Variants in ZNF33B observed in about 807,000 individuals in gnomAD.
The protein encoded by ZNF33B is zinc finger protein 11b (KOX 2).
Under a neutral mutation model 45.8 loss-of-function variants are expected in ZNF33B, and 29 were observed. That is an observed-to-expected ratio of 0.63 (90% CI 0.47 to 0.86). ZNF33B has a LOEUF of 0.86. Ranked by LOEUF, ZNF33B falls within the 40% of genes least tolerant of loss-of-function variation. The pLI is 0.00. For synonymous variants in ZNF33B, 305 were observed against 307.8 expected, an observed-to-expected ratio of 0.99 and a Z score of 0.10; for missense variants, 831 against 909.9, an observed-to-expected ratio of 0.91 and a Z score of 1.12.
intron 4 of ZNF33B, among the ~76,000 whole-genome samples, chr10:42,610,086 A>G (rs2132091112): frequency 6.6e-6 from 1 of 152,370 alleles, no homozygotes; most frequent in South Asian, 2.1e-4. Context: ...TCAGATTGAA[A>G]AAAAAAAGTG....
At chr10:42,603,681 G>C (rs1465030339) in intron 4 of ZNF33B, among the ~76,000 whole-genome samples, 1 of 152,170 alleles carries the variant, frequency 6.6e-6, no homozygotes, top group African/African-American at 2.4e-5. Context: ...ATATGGTCCA[G>C]GACAGTGTTG....
chr10:42,580,399 G>A (rs1836806789), intron 1 of ZNF33B, among the ~76,000 whole-genome samples: 1 of 151,908 alleles, frequency 6.6e-6, no homozygotes, highest in South Asian at 2.1e-4. Flanking sequence ...TGCCACATCT[G>A]GCTAATTTTT....
chr10:42,613,381 C>T (rs1313741710), intron 4 of ZNF33B, among the ~76,000 whole-genome samples: 1 of 151,920 alleles, frequency 6.6e-6, no homozygotes. Context: ...AATCCCATCT[C>T]TACTAAAAAC....
rs545711999 is a variant in ZNF33B at position 42,624,945 on chromosome 10, T to C, written c.250+6984A>G. 5.9e-5 allele frequency among the ~76,000 whole-genome samples: 9 copies of C among 152,246 alleles called. 1 individual carries two copies. The South Asian group carries it at 6.2e-4, about 11-fold the overall frequency. The stretch of plus-strand genomic sequence containing the variant: ...AAAACCACAGAAAAGGGGAGACTAA[T>C]GTAATAAGCCTTAACACTGGATACA... On this transcript the variant is annotated intron_variant, in intron 4 of 4. Coordinates refer to ENST00000359467, the MANE Select transcript of ZNF33B (RefSeq NM_006955.3).
At chr10:42,627,224 A>G (rs1187973630) in intron 4 of ZNF33B, among the ~76,000 whole-genome samples, 1 of 152,178 alleles carries the variant, frequency 6.6e-6, no homozygotes, top group Non-Finnish European at 1.5e-5. Flanking sequence ...GGGTGGTTGC[A>G]AACTCTTGAC....
intron 1 of ZNF33B, among the ~76,000 whole-genome samples, chr10:42,580,898 T>C (rs1836813244): frequency 2.6e-5 from 4 of 151,016 alleles, no homozygotes; most frequent in Non-Finnish European, 5.9e-5. Flanking sequence ...TCTCAATAAA[T>C]AAATAAATAA....
intron 4 of ZNF33B, among the ~76,000 whole-genome samples, chr10:42,629,142 G>A (rs1838938447): frequency 6.6e-6 from 1 of 152,162 alleles, no homozygotes; most frequent in Non-Finnish European, 1.5e-5. Context: ...AAGAATGAGA[G>A]ATCCTGTCAT....
chr10:42,602,451 C>G (rs1415018061), intron 4 of ZNF33B, among the ~76,000 whole-genome samples: 4 of 151,998 alleles, frequency 2.6e-5, no homozygotes, highest in African/African-American at 9.7e-5. Context: ...CCTGGTTAGT[C>G]TCTTTGAGAA....
At chr10:42,599,853 C>T (rs1039037705) in intron 4 of ZNF33B, among the ~76,000 whole-genome samples, 4 of 152,044 alleles carry the variant, frequency 2.6e-5, no homozygotes, top group African/African-American at 9.7e-5. Flanking sequence ...CTATGAATTT[C>T]CTATATGTAA....
In ZNF33B at chr10:42,593,301, T is replaced by C. The variant is rs1472217924; in HGVS notation, c.1649A>G (p.Glu550Gly). 5.0e-6 allele frequency: 8 copies of C among 1,614,056 alleles called. No homozygotes were observed. The highest frequency in any genetic ancestry group is 6.8e-6 in the Non-Finnish European group (8 of 1,179,970). Residue 550 changes from glutamate (E) to glycine (G), a missense_variant, in exon 5 of 5, where the codon GAG (glutamate) becomes GGG (glycine). Glu to Gly is a moderately conservative substitution (Grantham distance 98). Transcript: ENST00000359467. ...ACATTCAGGACATGCAAAGGGTTTC[T>C]CCCCTGTGTGCGTTCTCTGATGTAT... The part of the protein sequence containing the change: ...LTIHQRTHTG[E>G]KPFACPECGK...
chr10:42,623,603 A>C (rs1838682179), intron 4 of ZNF33B, among the ~76,000 whole-genome samples: 1 of 152,212 alleles, frequency 6.6e-6, no homozygotes, highest in Admixed American at 6.5e-5. Context: ...CACACTACTG[A>C]CATGAAATAT....
At chr10:42,587,691 T>C (rs1836962779), downstream of ZNF33B, among the ~76,000 whole-genome samples, 1 of 152,176 alleles carries the variant, frequency 6.6e-6, no homozygotes, top group Non-Finnish European at 1.5e-5. Context: ...ATTCACCCTG[T>C]GGCATGTTGG....
intron 4 of ZNF33B, among the ~76,000 whole-genome samples, chr10:42,617,085 T>TCTTTC (rs1253532030): frequency 7.2e-6 from 1 of 138,904 alleles, no homozygotes; most frequent in Non-Finnish European, 1.6e-5. Context: ...AATTGTTCAT[T>TCTTTC]TTTTCTCTTT....
At chr10:42,614,730 T>G (rs1373028797) in intron 4 of ZNF33B, among the ~76,000 whole-genome samples, 1 of 151,396 alleles carries the variant, frequency 6.6e-6, no homozygotes, top group Non-Finnish European at 1.5e-5. Flanking sequence ...CCAAGGCGGG[T>G]GGATCATGAG....
intron 4 of ZNF33B, among the ~76,000 whole-genome samples, chr10:42,605,582 C>A (rs1355920651): frequency 1.3e-5 from 2 of 151,816 alleles, no homozygotes; most frequent in Non-Finnish European, 2.9e-5. Flanking sequence ...AGTAGACTAA[C>A]AATAAAAGAA....
chr10:42,585,791 G>A (rs1836922752), downstream of ZNF33B, among the ~76,000 whole-genome samples: 1 of 152,132 alleles, frequency 6.6e-6, no homozygotes, highest in African/African-American at 2.4e-5. Context: ...GCAAGTTTAA[G>A]CCTCTTGGTT....
intron 2 of ZNF33B, among the ~76,000 whole-genome samples, chr10:42,634,499 T>C (rs1407927775): frequency 6.6e-6 from 1 of 152,138 alleles, no homozygotes; most frequent in Non-Finnish European, 1.5e-5. Context: ...AATATTTGTA[T>C]GGAAATGCAA....
chr10:42,606,659 G>A (rs746550408), intron 4 of ZNF33B, among the ~76,000 whole-genome samples: 13 of 151,280 alleles, frequency 8.6e-5, no homozygotes, highest in Non-Finnish European at 1.3e-4. Flanking sequence ...ACAGGGAGGG[G>A]AACAACACAC....
chr10:42,623,053 G>C (rs1838659378), intron 4 of ZNF33B, among the ~76,000 whole-genome samples: 1 of 152,162 alleles, frequency 6.6e-6, no homozygotes, highest in Non-Finnish European at 1.5e-5. Context: ...GATCACCTGA[G>C]GTCAGGAGTT....
Sources: allele counts gnomAD v4.1 joint callset (sites outside exome capture counted in the v4.1 genomes callset), GRCh38; gene constraint gnomAD v4.1.1; transcripts MANE v1.5; gene names NCBI Gene and HGNC (gene_info 2026-07-23, HGNC 2026-07-21).